Variants in CAB39 observed in about 807,000 individuals in gnomAD.
CAB39 encodes the protein calcium binding protein 39.
A neutral mutation model predicts 40.0 loss-of-function variants in CAB39; 8 were observed. The ratio of observed to expected loss-of-function variants is 0.20; its 90% confidence interval spans 0.12 to 0.36. The LOEUF (loss-of-function observed/expected upper bound fraction) is 0.36, where lower values mean the gene tolerates loss of function less well. Ranked by LOEUF, CAB39 falls within the 10% of genes least tolerant of loss-of-function variation. The probability of loss-of-function intolerance (pLI) is 1.00; values close to 1 mark genes in which losing one functional copy is unlikely to be tolerated. For synonymous variants in CAB39, 156 were observed against 141.6 expected (o/e 1.10, Z -0.72); for missense variants, 270 against 401.1 (o/e 0.67, Z 2.79).
rs1160253213 is a variant in CAB39, at chr2:230,813,978, C to CTTTTTTTT, written c.628-44_628-37dup. On this transcript the variant is annotated intron_variant, in intron 6 of 8. Transcript: ENST00000258418. The stretch of plus-strand genomic sequence containing the variant: ...CTAATTTACAATGTTACCTACCAGT[C>CTTTTTTTT]TTTTTTTTTTTTTTTTTTTTTTTTT... 203 of 113,110 alleles carry CTTTTTTTT rather than the reference C, an allele frequency of 1.8e-3. 47 individuals are homozygous for CTTTTTTTT. The highest frequency in any genetic ancestry group is 4.1e-3 in the East Asian group (12 of 2,922). The allele number at this position is 113,110 out of a possible 1,614,324, so 7.0% of individuals were successfully genotyped here.
chr2:230,732,759 T>A (rs1271948439), intron 1 of CAB39, among the ~76,000 whole-genome samples: 4 of 152,158 alleles, frequency 2.6e-5, no homozygotes, highest in Admixed American at 6.5e-5. Context: ...GGATAAATGA[T>A]GATGATAATG....
chr2:230,775,204 A>ATCTGAGC (rs1695564347), intron 2 of CAB39, among the ~76,000 whole-genome samples: 1 of 151,548 alleles, frequency 6.6e-6, no homozygotes, highest in Non-Finnish European at 1.5e-5. Flanking sequence ...TTCCCCCCAA[A>ATCTGAGC]TCTGAGCTCT....
chr2:230,787,944 T>A (rs1423702828), intron 2 of CAB39, among the ~76,000 whole-genome samples: 1 of 152,250 alleles, frequency 6.6e-6, no homozygotes, highest in Non-Finnish European at 1.5e-5. Flanking sequence ...AACAACTATC[T>A]GATTCTGAAT....
At chr2:230,808,048 CTTTTTTTCTT>C (rs1559617978) in intron 5 of CAB39, among the ~76,000 whole-genome samples, 1 of 135,790 alleles carries the variant, frequency 7.4e-6, no homozygotes, top group African/African-American at 3.4e-5. Flanking sequence ...GTGCCAGGCA[CTTTTTTTCTT>C]TTCTTTTCTT....
chr2:230,727,940 G>T (rs890014218), intron 1 of CAB39, among the ~76,000 whole-genome samples: 1 of 152,070 alleles, frequency 6.6e-6, no homozygotes, highest in South Asian at 2.1e-4. Flanking sequence ...CCAAATTCAT[G>T]TTACAAAACT....
rs1696484282 is a variant in CAB39 at position 230,820,245 on chromosome 2, A to G, written c.*1541A>G. On this transcript the variant is annotated 3_prime_UTR_variant, in exon 9 of 9. Transcript: ENST00000258418. The stretch of plus-strand genomic sequence containing the variant: ...TGCAGCTGATTAAGAAATTGATATG[A>G]TTATTCTTTGCTAGCCTCTCTTACT... 2 of 152,328 alleles carry G rather than the reference A, an allele frequency of 1.3e-5. No homozygotes were observed. The highest frequency in any genetic ancestry group is 2.9e-5 in the Non-Finnish European group (2 of 68,042). The allele number at this position is 152,328 out of a possible 1,614,324, so 9.4% of individuals were successfully genotyped here.
chr2:230,762,995 A>ATCC (rs1695321774), intron 2 of CAB39, among the ~76,000 whole-genome samples: 2 of 152,224 alleles, frequency 1.3e-5, no homozygotes, highest in African/African-American at 4.8e-5. Context: ...GAGGACCCAA[A>ATCC]AGAGATTCGT....
intron 4 of CAB39, among the ~76,000 whole-genome samples, chr2:230,798,386 A>G (rs970998178): frequency 2.6e-5 from 4 of 152,214 alleles, no homozygotes; most frequent in Non-Finnish European, 5.9e-5. Flanking sequence ...CAAGAGCACC[A>G]TCTGTAAAAG....
At chr2:230,799,311 A>G (rs919216992) in intron 5 of CAB39, among the ~76,000 whole-genome samples, 1 of 152,138 alleles carries the variant, frequency 6.6e-6, no homozygotes, top group African/African-American at 2.4e-5. Flanking sequence ...AAATATTAGG[A>G]CCACATTCAG....
intron 3 of CAB39, among the ~76,000 whole-genome samples, chr2:230,792,935 G>A (rs922909919): frequency 2.0e-5 from 3 of 152,144 alleles, no homozygotes; most frequent in South Asian, 2.1e-4. Context: ...CAGAGTCAGC[G>A]TGATCCTGAG....
At position 230,712,922 on chromosome 2, in the gene CAB39, G is replaced by A. The variant is rs901771427; in HGVS notation, c.-352G>A. The A allele has an allele frequency of 2.6e-5, 4 of 152,020 alleles. No individual in the cohort carries two copies. Among genetic ancestry groups the A allele is most frequent in the African/African-American group, 7.2e-5 (3 of 41,512 alleles). 9.4% of individuals were successfully genotyped at this position (152,020 alleles called of 1,614,324 possible). On this transcript the variant is annotated 5_prime_UTR_variant, in exon 1 of 9. Coordinates refer to ENST00000258418, the MANE Select transcript of CAB39 (RefSeq NM_016289.4). Reference sequence around the variant, plus strand: ...AGCGGCGCGGCCTGGGAGACACAGAGCCTTCAGGCGCCGGGGCGGGGGCAC... The same window carrying A: ...AGCGGCGCGGCCTGGGAGACACAGAACCTTCAGGCGCCGGGGCGGGGGCAC...
chr2:230,721,657 G>T (rs1694455930), intron 1 of CAB39, among the ~76,000 whole-genome samples: 1 of 152,172 alleles, frequency 6.6e-6, no homozygotes, highest in African/African-American at 2.4e-5. Flanking sequence ...AGAGAGATTA[G>T]TTGTTTGTAG....
At chr2:230,815,834 C>T (rs535940340) in intron 7 of CAB39, among the ~76,000 whole-genome samples, 10 of 152,302 alleles carry the variant, frequency 6.6e-5, no homozygotes, top group African/African-American at 1.4e-4. Flanking sequence ...ACACATGGAG[C>T]GGCTTCAGCA....
chr2:230,717,195 GA>G (rs1247628504), intron 1 of CAB39, among the ~76,000 whole-genome samples: 1 of 152,026 alleles, frequency 6.6e-6, no homozygotes, highest in African/African-American at 2.4e-5. Flanking sequence ...AAATTGTGGG[GA>G]AAAAATATCA....
intron 5 of CAB39, among the ~76,000 whole-genome samples, chr2:230,800,161 T>A (rs1444148370): frequency 6.6e-6 from 1 of 152,158 alleles, no homozygotes; most frequent in Non-Finnish European, 1.5e-5. Flanking sequence ...TTCATGATTA[T>A]GAAAAGCCCC....
intron 1 of CAB39, among the ~76,000 whole-genome samples, chr2:230,725,727 C>G (rs1214776451): frequency 1.3e-5 from 2 of 152,148 alleles, no homozygotes; most frequent in African/African-American, 4.8e-5. Context: ...CAGATGAGGT[C>G]AAGTCTCCTG....
chr2:230,765,941 TA>T (rs1462733177), intron 2 of CAB39, among the ~76,000 whole-genome samples: 5 of 152,188 alleles, frequency 3.3e-5, no homozygotes, highest in Non-Finnish European at 4.4e-5. Flanking sequence ...TTATTAAAAA[TA>T]AATTTTAGTT....
intron 7 of CAB39, among the ~76,000 whole-genome samples, chr2:230,816,883 T>A (rs1029882995): frequency 6.6e-6 from 1 of 152,176 alleles, no homozygotes; most frequent in African/African-American, 2.4e-5. Context: ...CCAGGCAGGC[T>A]GGCACCAGGG....
chr2:230,803,554 A>C (rs566472149), intron 5 of CAB39, among the ~76,000 whole-genome samples: 20 of 152,360 alleles, frequency 1.3e-4, no homozygotes, highest in Admixed American at 9.8e-4. Context: ...CAACTTCAGC[A>C]AAGTCTCAGG....
Sources: allele counts gnomAD v4.1 joint callset (sites outside exome capture counted in the v4.1 genomes callset), GRCh38; gene constraint gnomAD v4.1.1; transcripts MANE v1.5; gene names NCBI Gene and HGNC (gene_info 2026-07-23, HGNC 2026-07-21).